The following FREM2 variants were observed in gnomAD, a reference collection of about 807,000 sequenced individuals.
FREM2 encodes FRAS1 related extracellular matrix 2.
A neutral mutation model predicts 219.9 loss-of-function variants in FREM2; 119 were observed. The ratio of observed to expected loss-of-function variants is 0.54; its 90% CI spans 0.47 to 0.63. FREM2 has a LOEUF of 0.63. Ranked by LOEUF, FREM2 falls within the 30% of genes least tolerant of loss-of-function variation. The pLI is 0.00. For missense variants in FREM2, 4,030 were observed against 3,993.6 expected (o/e 1.01, Z -0.25); for synonymous variants, 1,562 against 1,522.8 (o/e 1.03, Z -0.60).
chr13:38,843,186 T>C (rs2137902606), intron 6 of FREM2, among the ~76,000 whole-genome samples: 1 of 152,280 alleles, frequency 6.6e-6, no homozygotes, highest in Middle Eastern at 3.4e-3. Context: ...TAGTTGGGTG[T>C]AGGCTATGAG....
At chr13:38,880,240 C>T (rs1277607465) in intron 23 of FREM2, 44 bp from the exon 24 acceptor site, 2 of 1,586,026 alleles carry the variant, frequency 1.3e-6, no homozygotes, top group African/African-American at 1.3e-5. Flanking sequence ...ATTAGATTGA[C>T]ATGGTATCTA....
chr13:38,710,343 G>T (rs1870720584), intron 2 of FREM2, among the ~76,000 whole-genome samples: 1 of 152,060 alleles, frequency 6.6e-6, no homozygotes, highest in Admixed American at 6.6e-5. Context: ...TCTATTTGTA[G>T]ATGAAGTCAC....
intron 2 of FREM2, among the ~76,000 whole-genome samples, chr13:38,736,049 C>G (rs947995867): frequency 1.3e-5 from 2 of 152,086 alleles, no homozygotes; most frequent in African/African-American, 4.8e-5. Context: ...TTAGGCTGTG[C>G]GAAAGGGCTT....
intron 6 of FREM2, among the ~76,000 whole-genome samples, chr13:38,841,225 A>G (rs934131782): frequency 1.3e-5 from 2 of 152,212 alleles, no homozygotes; most frequent in African/African-American, 4.8e-5. Context: ...TTAAGTTACC[A>G]GTGTTAAAGA....
At chr13:38,877,739 A>C (rs895497878) in intron 21 of FREM2, among the ~76,000 whole-genome samples, 8 of 152,232 alleles carry the variant, frequency 5.3e-5, no homozygotes, top group Non-Finnish European at 8.8e-5. Flanking sequence ...AACGTTAATT[A>C]GGCTTTGTAT....
intron 6 of FREM2, among the ~76,000 whole-genome samples, chr13:38,793,238 A>G (rs1220276178): frequency 6.6e-6 from 1 of 152,216 alleles, no homozygotes; most frequent in Admixed American, 6.5e-5. Flanking sequence ...CTTTGGGGGT[A>G]CACAGATAAG....
In FREM2 at chr13:38,837,999, A is replaced by G. The variant is rs549605549; in HGVS notation, c.6020-8574A>G. Among the ~76,000 whole-genome samples the G allele has an allele frequency of 1.2e-4, 18 of 152,256 alleles. No homozygotes were observed. In the East Asian group the frequency reaches 3.5e-3, roughly 29 times the overall value. On this transcript the variant is annotated intron_variant, in intron 6 of 23. Coordinates refer to ENST00000280481, the MANE Select transcript of FREM2 (RefSeq NM_207361.6). ...TGTTATGTGTGAATTTTATCCTGTCATTATGATGCTAGCTGGTTATTTTGC... is the reference window on the plus strand; with the variant it reads ...TGTTATGTGTGAATTTTATCCTGTCGTTATGATGCTAGCTGGTTATTTTGC...
intron 2 of FREM2, among the ~76,000 whole-genome samples, chr13:38,713,444 A>G (rs942297797): frequency 6.6e-6 from 1 of 152,188 alleles, no homozygotes; most frequent in Non-Finnish European, 1.5e-5. Flanking sequence ...TATCATGGAT[A>G]TATTATTATA....
intron 6 of FREM2, among the ~76,000 whole-genome samples, chr13:38,833,619 A>C (rs1292755878): frequency 6.6e-6 from 1 of 152,166 alleles, no homozygotes; most frequent in East Asian, 1.9e-4. Flanking sequence ...AAAATAATTC[A>C]ATGAGTTTAC....
rs1870012305 is a variant in FREM2, at chr13:38,694,174, T to C, written c.5173+1657T>C. Among the ~76,000 whole-genome samples, 3 of 152,242 alleles carry C rather than the reference T, an allele frequency of 2.0e-5. No homozygotes were observed. The South Asian group carries it at 6.2e-4, about 31-fold the overall frequency. On this transcript the variant is annotated intron_variant, in intron 1 of 23. Coordinates refer to ENST00000280481, the MANE Select transcript of FREM2 (RefSeq NM_207361.6). ...ATATTATTTCTGAAATTTTGAACTC[T>C]AAAAATTATGCTATTTCATTATAGG...
At chr13:38,814,660 T>C (rs890730564) in intron 6 of FREM2, among the ~76,000 whole-genome samples, 13 of 152,262 alleles carry the variant, frequency 8.5e-5, no homozygotes, top group African/African-American at 2.6e-4. Flanking sequence ...AATGGCAAGT[T>C]TCCCCAGGCC....
At chr13:38,725,912 T>C in intron 2 of FREM2, among the ~76,000 whole-genome samples, 1 of 152,154 alleles carries the variant, frequency 6.6e-6, no homozygotes, top group East Asian at 1.9e-4. Context: ...GTGGCAAGGA[T>C]GTAATTTCAG....
At position 38,687,341 on chromosome 13, in the gene FREM2, G is replaced by A. The variant is rs371490266; in HGVS notation, c.-4G>A. ...TGACCTGTCCAAGCCCGAACACCGGGACCATGCACTCAGCCGGGACTCCCG... is the reference window on the plus strand; with the variant it reads ...TGACCTGTCCAAGCCCGAACACCGGAACCATGCACTCAGCCGGGACTCCCG... On this transcript the variant is annotated 5_prime_UTR_variant, in exon 1 of 24. Transcript: ENST00000280481. The A allele has an allele frequency of 5.0e-6, 8 of 1,599,928 alleles. No homozygotes were observed. The highest frequency in any genetic ancestry group is 1.7e-5 in the Admixed American group (1 of 58,650).
chr13:38,780,809 T>C (rs1243108742), intron 4 of FREM2, among the ~76,000 whole-genome samples: 12 of 152,294 alleles, frequency 7.9e-5, no homozygotes, highest in African/African-American at 2.6e-4. Context: ...CCTCTAACCA[T>C]AGGATACCCC....
At chr13:38,876,187 G>A (rs1399017852) in intron 19 of FREM2, 38 bp downstream of exon 19, 1 of 1,613,790 alleles carries the variant, frequency 6.2e-7, no homozygotes, top group African/African-American at 1.3e-5. Flanking sequence ...TTCTTCTGCT[G>A]CTGCCATCTG....
rs1214362675 is a variant in FREM2, at chr13:38,807,188, GTTATATAT to G, written c.6019+22381_6019+22388del. Among the ~76,000 whole-genome samples, 354 of 66,404 alleles carry G rather than the reference GTTATATAT, an allele frequency of 5.3e-3. 37 individuals carry two copies. Among genetic ancestry groups the G allele is most frequent in the Middle Eastern group, 0.036 (4 of 112 alleles). 43.6% of individuals were successfully genotyped at this position (66,404 alleles called of 152,430 possible). A position where few individuals can be genotyped will look rare whatever the true frequency, so the allele number is the denominator to read the frequency against. ...ACCTTTTTGCAGAGATCTTGTCTCTGTTATATATATATATATATATATATATATATATA... is the reference window on the plus strand; with the variant it reads ...ACCTTTTTGCAGAGATCTTGTCTCTGATATATATATATATATATATATATA... On this transcript the variant is annotated intron_variant, in intron 6 of 23. Transcript: ENST00000280481.
rs984213140 is a variant in FREM2, at chr13:38,880,810, T to C, written c.*23T>C. 2.5e-6 allele frequency: 4 copies of C among 1,613,280 alleles called. No individual in the cohort carries two copies. The African/African-American group carries it at 4.0e-5, about 16-fold the overall frequency. On this transcript the variant is annotated 3_prime_UTR_variant, in exon 24 of 24. Transcript: ENST00000280481. Reference sequence around the variant, plus strand: ...TGATGACTGCAGGTAGAATTCAACCTTTTCCGTAAGTGCCTCGGAAAAGAT... The same window carrying C: ...TGATGACTGCAGGTAGAATTCAACCCTTTCCGTAAGTGCCTCGGAAAAGAT...
chr13:38,736,120 A>T (rs1871983978), intron 2 of FREM2, among the ~76,000 whole-genome samples: 1 of 152,194 alleles, frequency 6.6e-6, no homozygotes, highest in Non-Finnish European at 1.5e-5. Context: ...TGCGCTGTTT[A>T]TTCAGCCCAG....
chr13:38,754,889 G>GATTATT (rs1437549301), intron 2 of FREM2, among the ~76,000 whole-genome samples: 4,390 of 81,658 alleles, frequency 0.054, 106 homozygotes, highest in Middle Eastern at 0.12. Context: ...TGATGATGAT[G>GATTATT]ATGATGATGA....
Sources: gnomAD v4.1 joint callset for allele counts (sites outside exome capture counted in the v4.1 genomes callset) on GRCh38, gnomAD v4.1.1 for gene constraint, MANE v1.5 for transcripts, NCBI Gene and HGNC (gene_info 2026-07-23, HGNC 2026-07-21) for gene names.